The following SH3BP4 variants were observed in gnomAD, a reference collection of about 807,000 sequenced individuals.
SH3BP4 encodes the protein SH3 domain binding protein 4, also known as SH3 domain-binding protein 4.
A neutral mutation model predicts 65.5 loss-of-function variants in SH3BP4; 33 were observed. That is an observed-to-expected ratio of 0.50 (90% confidence interval 0.38 to 0.67). The LOEUF (loss-of-function observed/expected upper bound fraction) is 0.67, where lower values mean the gene tolerates loss of function less well. Among genes scored for constraint, SH3BP4 ranks in the 30% least tolerant of loss-of-function variants. The pLI, the probability that SH3BP4 is intolerant of heterozygous loss-of-function variation, is 0.00. For synonymous variants in SH3BP4, 552 were observed against 545.5 expected, an observed-to-expected ratio of 1.01 and a Z score of -0.17; for missense variants, 1,134 against 1,261.4, an observed-to-expected ratio of 0.90 and a Z score of 1.53.
chr2:234,985,082 G>A (rs1322897890), intron 1 of SH3BP4, among the ~76,000 whole-genome samples: 1 of 152,196 alleles, frequency 6.6e-6, no homozygotes, highest in East Asian at 1.9e-4. Context: ...CCTGCAGGCT[G>A]ACCCGGGCTT....
chr2:235,053,792 G>C lies in SH3BP4; in HGVS notation c.2868G>C (p.Ala956=). 1 of 1,614,160 alleles carries C rather than the reference G, an allele frequency of 6.2e-7. No individual in the cohort carries two copies. The highest frequency in any genetic ancestry group is 2.2e-5 in the East Asian group (1 of 44,876). Residue 956 remains alanine, a synonymous_variant, in exon 6 of 6, where the codon GCG becomes GCC. Coordinates refer to ENST00000392011, the MANE Select transcript of SH3BP4 (RefSeq NM_014521.3). ...TGAGAGCAGCCGCCTTCAGCCCTGCGGACCAGGACGACTTCGTGATTTGAA... is the reference window on the plus strand; with the variant it reads ...TGAGAGCAGCCGCCTTCAGCCCTGCCGACCAGGACGACTTCGTGATTTGAA... ...DVLRAAAFSP[A]DQDDFVI is the part of the protein sequence containing the mutation.
Position 235,041,051 on chromosome 2 carries a change from C to T in SH3BP4, c.282C>T (p.Tyr94=), listed in dbSNP as rs769843704. 2.1e-5 allele frequency: 34 copies of T among 1,613,948 alleles called. No individual in the cohort carries two copies. The highest frequency in any genetic ancestry group is 4.5e-5 in the East Asian group (2 of 44,884). ...ACACATCTGGCGGTGAGTGGTGGTA[C>T]GCACACAACACCACCGAAATGGGCT... ...VLDTSGGEWW[Y]AHNTTEMGYI... is the part of the protein sequence containing the mutation. Residue 94 remains tyrosine (Y), a synonymous_variant, in exon 4 of 6, where the codon TAC becomes TAT. Transcript: ENST00000392011. The surrounding 1 kb of genome is among the most constrained non-coding windows in gnomAD (Gnocchi z 6.0).
chr2:234,968,592 C>T (rs571337994), intron 1 of SH3BP4, among the ~76,000 whole-genome samples: 1 of 152,160 alleles, frequency 6.6e-6, no homozygotes, highest in African/African-American at 2.4e-5. Flanking sequence ...TCAGATAGAT[C>T]AGTTAAATGA....
intron 3 of SH3BP4, among the ~76,000 whole-genome samples, chr2:235,036,237 C>T (rs1287149445): frequency 1.3e-5 from 2 of 152,184 alleles, no homozygotes; most frequent in African/African-American, 2.4e-5. Context: ...TTAAAAGAAA[C>T]GTCTAGCCCG....
chr2:235,010,644 GA>G (rs968482983), intron 2 of SH3BP4, among the ~76,000 whole-genome samples: 2 of 152,222 alleles, frequency 1.3e-5, no homozygotes, highest in Non-Finnish European at 2.9e-5. Flanking sequence ...CCTTAAAGCA[GA>G]AACACATTCT....
At chr2:235,023,557 G>A (rs1237827980) in intron 2 of SH3BP4, among the ~76,000 whole-genome samples, 3 of 151,966 alleles carry the variant, frequency 2.0e-5, no homozygotes, top group Admixed American at 6.6e-5. Flanking sequence ...GGGCGGTGGG[G>A]TGGGGGGTGA....
At chr2:235,038,233 G>T (rs1695450744) in intron 3 of SH3BP4, among the ~76,000 whole-genome samples, 1 of 51,978 alleles carries the variant, frequency 1.9e-5, no homozygotes, top group Non-Finnish European at 3.0e-5. Flanking sequence ...AAGGATATAT[G>T]TATTTTATAT....
chr2:234,980,546 C>G (rs1323009871), intron 1 of SH3BP4, among the ~76,000 whole-genome samples: 2 of 152,180 alleles, frequency 1.3e-5, no homozygotes, highest in Admixed American at 1.3e-4. Flanking sequence ...TTGTTTACAG[C>G]CTTTGCTATC....
In SH3BP4 at chr2:235,033,199, T is replaced by A. The variant is rs940235919; in HGVS notation, c.-132-1672T>A. Among the ~76,000 whole-genome samples, 2 of 152,138 alleles carry A rather than the reference T, an allele frequency of 1.3e-5. No homozygotes were observed. The highest frequency in any genetic ancestry group is 6.5e-5 in the Admixed American group (1 of 15,278). On this transcript the variant is annotated intron_variant, in intron 2 of 5. Transcript: ENST00000392011. This position sits in a 1 kb window ranked among gnomAD's most constrained non-coding sequence, Gnocchi z 5.7. ...GCCCCGGTGGCCCAGCAAGGGAGGC[T>A]CATCTCTCACGGTTCCAGAGGCCGG...
Position 234,991,258 on chromosome 2 carries a change from T to C in SH3BP4, c.-206-4045T>C, listed in dbSNP as rs1693739195. ...TGTGGTAGGGTGAGGACCATGAGCC[T>C]CATATCATTTATCCACTCACCCTCC... On this transcript the variant is annotated intron_variant, in intron 1 of 5. Coordinates refer to ENST00000392011, the MANE Select transcript of SH3BP4 (RefSeq NM_014521.3). This position sits in a 1 kb window ranked among gnomAD's most constrained non-coding sequence, Gnocchi z 4.2. 6.6e-6 allele frequency among the ~76,000 whole-genome samples: 1 copy of C among 152,164 alleles called. No homozygotes were observed. The highest frequency in any genetic ancestry group is 2.4e-5 in the African/African-American group (1 of 41,442).
rs965199201 is a variant in SH3BP4, at chr2:234,967,170, G to A, written c.-207+15000G>A. ...GTGAGCTGGGAAGTGCAGAAGCCAG[G>A]AGTTAAGTCCAGGCTGTCTCAACCA... On this transcript the variant is annotated intron_variant, in intron 1 of 5. Coordinates refer to ENST00000392011, the MANE Select transcript of SH3BP4 (RefSeq NM_014521.3). This position sits in a 1 kb window ranked among gnomAD's most constrained non-coding sequence, Gnocchi z 4.6. Among the ~76,000 whole-genome samples, 1 of 152,100 alleles carries A rather than the reference G, an allele frequency of 6.6e-6. No individual in the cohort carries two copies. Among genetic ancestry groups the A allele is most frequent in the East Asian group, 1.9e-4 (1 of 5,190 alleles).
chr2:235,008,185 G>A (rs1399499084), intron 2 of SH3BP4, among the ~76,000 whole-genome samples: 1 of 152,184 alleles, frequency 6.6e-6, no homozygotes, highest in East Asian at 1.9e-4. Context: ...AGCTTGAGGG[G>A]CCACCGCAGG....
At chr2:235,049,450 T>C (rs1695976088) in intron 4 of SH3BP4, among the ~76,000 whole-genome samples, 1 of 152,104 alleles carries the variant, frequency 6.6e-6, no homozygotes, top group Non-Finnish European at 1.5e-5. Context: ...AAGAGCTGAG[T>C]TGGGGACATT....
intron 2 of SH3BP4, among the ~76,000 whole-genome samples, chr2:235,005,073 G>T (rs1037652872): frequency 6.6e-6 from 1 of 152,164 alleles, no homozygotes; most frequent in Non-Finnish European, 1.5e-5. Flanking sequence ...AGATCCCCCT[G>T]GGTGTTAACA....
Position 235,038,305 on chromosome 2 carries a change from A to AT in SH3BP4, c.119-2582dup, listed in dbSNP as rs1553567353. 7.1e-3 allele frequency among the ~76,000 whole-genome samples: 111 copies of AT among 15,542 alleles called. 4 individuals are homozygous for AT. Among genetic ancestry groups the AT allele is most frequent in the African/African-American group, 0.04 (106 of 2,682 alleles). The allele number at this position is 15,542 out of a possible 152,430, so 10.2% of individuals were successfully genotyped here. A position where few individuals can be genotyped will look rare whatever the true frequency, so the allele number is the denominator to read the frequency against. ...ATTATATATAATATATATATTATAT[A>AT]TATATATTATATATTATATATATAT... On this transcript the variant is annotated intron_variant, in intron 3 of 5. Coordinates refer to ENST00000392011, the MANE Select transcript of SH3BP4 (RefSeq NM_014521.3).
intron 1 of SH3BP4, among the ~76,000 whole-genome samples, chr2:234,955,684 G>T (rs1692569580): frequency 6.6e-6 from 1 of 152,168 alleles, no homozygotes; most frequent in Non-Finnish European, 1.5e-5. Flanking sequence ...AAGTCATCAG[G>T]AAGCATATGG....
rs1695018766 is a variant in SH3BP4 at position 235,026,904 on chromosome 2, G to A, written c.-132-7967G>A. 6.6e-6 allele frequency among the ~76,000 whole-genome samples: 1 copy of A among 152,334 alleles called. No individual in the cohort carries two copies. The highest frequency in any genetic ancestry group is 1.9e-4 in the East Asian group (1 of 5,174). ...GCCTTGCTGTTTTCTCCCCCAGGAA[G>A]AGGCAGCCCGCCCGAGCCCCAGGCA... On this transcript the variant is annotated intron_variant, in intron 2 of 5. Transcript: ENST00000392011. This position sits in a 1 kb window ranked among gnomAD's most constrained non-coding sequence, Gnocchi z 4.6.
At chr2:235,023,551 G>A (rs913563521) in intron 2 of SH3BP4, among the ~76,000 whole-genome samples, 7 of 152,018 alleles carry the variant, frequency 4.6e-5, no homozygotes, top group South Asian at 2.1e-4. Context: ...CATCTCGGGC[G>A]GTGGGGTGGG....
chr2:234,998,945 G>A (rs1694013529), intron 2 of SH3BP4, among the ~76,000 whole-genome samples: 2 of 152,146 alleles, frequency 1.3e-5, no homozygotes, highest in African/African-American at 4.8e-5. Flanking sequence ...TGACCTCCCC[G>A]TAATCAGCAG....
Sources: gnomAD v4.1 joint callset for allele counts (sites outside exome capture counted in the v4.1 genomes callset) on GRCh38, gnomAD v4.1.1 for gene constraint, Gnocchi (gnomAD v3.1) non-coding constraint, MANE v1.5 for transcripts, NCBI Gene and HGNC (gene_info 2026-07-23, HGNC 2026-07-21) for gene names.